WDTC1: variants seen among roughly 807,000 people sequenced by gnomAD.
WDTC1 encodes WD and tetratricopeptide repeats 1.
WDTC1 carries 12 observed loss-of-function variants against 76.0 expected under a neutral mutation model. The observed-to-expected ratio is 0.16, with a 90% CI of 0.10 to 0.26. WDTC1 has a LOEUF of 0.26. Ranked by LOEUF, WDTC1 falls within the 10% of genes least tolerant of loss-of-function variation. The probability of loss-of-function intolerance (pLI) is 1.00; values close to 1 mark genes in which losing one functional copy is unlikely to be tolerated. For synonymous variants in WDTC1, 326 were observed against 350.8 expected (o/e 0.93, Z 0.79); for missense variants, 511 against 908.8 (o/e 0.56, Z 5.63).
chr1:27,292,757 C>CTTTTTTTTTTTTTTTTTTTTTTTTATT (rs1304057627), intron 7 of WDTC1, among the ~76,000 whole-genome samples: 1 of 113,462 alleles, frequency 8.8e-6, no homozygotes. Flanking sequence ...TATTGTTTTA[C>CTTTTTTTTTTTTTTTTTTTTTTTTATT]TTTTTTTTTT....
chr1:27,303,569 G>T lies in WDTC1; in HGVS notation c.1469-52G>T. 6.5e-7 allele frequency: 1 copy of T among 1,528,400 alleles called. No individual in the cohort carries two copies. The highest frequency in any genetic ancestry group is 1.3e-5 in the South Asian group (1 of 77,176). The allele number at this position is 1,528,400 out of a possible 1,614,324, so 94.7% of individuals were successfully genotyped here. A position where few individuals can be genotyped will look rare whatever the true frequency, so the allele number is the denominator to read the frequency against. ...CAGAGCCATAGGTGGGGGAAAATAG[G>T]GAAGGAGAGAAAGGAACAAGGCGCT... On this transcript the variant is annotated intron_variant, in intron 13 of 15. Transcript: ENST00000319394. This position sits in a 1 kb window ranked among gnomAD's most constrained non-coding sequence, Gnocchi z 4.8.
chr1:27,253,675 G>A (rs1557481770), intron 1 of WDTC1, among the ~76,000 whole-genome samples: 1 of 151,944 alleles, frequency 6.6e-6, no homozygotes, highest in Admixed American at 6.6e-5. Flanking sequence ...GTTTATCACA[G>A]TGCCTGGCAA....
intron 1 of WDTC1, among the ~76,000 whole-genome samples, chr1:27,236,743 A>G (rs1019129289): frequency 1.3e-5 from 2 of 152,194 alleles, no homozygotes; most frequent in Non-Finnish European, 2.9e-5. Flanking sequence ...CCCACTGCCA[A>G]ACATTTGTGG....
rs1172072913 is a variant in WDTC1 at position 27,305,060 on chromosome 1, A to G, written c.1703A>G (p.Glu568Gly). The change falls in exon 15 of 16, where the codon GAG becomes GGG. Residue 568 changes from glutamate (E) to glycine (G), a missense_variant. Coordinates refer to ENST00000319394, the MANE Select transcript of WDTC1 (RefSeq NM_001276252.2). The surrounding 1 kb of genome is among the most constrained non-coding windows in gnomAD (Gnocchi z 4.6). ...GGCTCCTTCTTCATCTGGGAAAAGG[A>G]GACCACCAACCTGGTCCGTGTGCTC... ...DDGSFFIWEK[E>G]TTNLVRVLQG... 2 of 1,613,906 alleles carry G rather than the reference A, an allele frequency of 1.2e-6. No individual in the cohort carries two copies. The highest frequency in any genetic ancestry group is 1.7e-6 in the Non-Finnish European group (2 of 1,179,976).
chr1:27,291,511 C>T (rs115118285), intron 6 of WDTC1, among the ~76,000 whole-genome samples: 2,330 of 152,258 alleles, frequency 0.015, 24 homozygotes, highest in Middle Eastern at 0.034. Flanking sequence ...GGTGATGTCC[C>T]CCCTACCCAC....
chr1:27,302,800 A>G (rs1570989976), intron 13 of WDTC1, among the ~76,000 whole-genome samples: 1 of 152,306 alleles, frequency 6.6e-6, no homozygotes, highest in African/African-American at 2.4e-5. Flanking sequence ...CATATGAACC[A>G]GCATGCTCCA....
chr1:27,292,329 C>A lies in WDTC1; in HGVS notation c.594C>A (p.Asn198Lys). The A allele has an allele frequency of 6.2e-7, 1 of 1,613,258 alleles. No homozygotes were observed. Among genetic ancestry groups the A allele is most frequent in the Non-Finnish European group, 8.5e-7 (1 of 1,179,622 alleles). Residue 198 changes from asparagine (N) to lysine (K), a missense_variant, in exon 7 of 16, where the codon AAC becomes AAA. Physicochemically the swap from Asn to Lys is moderately conservative, Grantham distance 94 (BLOSUM62 0). Transcript: ENST00000319394. ...KCLTVNPQDN[N>K]CLAVGASGPF... ...TCACTGTCAACCCCCAGGACAACAA[C>A]TGCCTGGCAGTTGGGGCCAGCGGGC...
intron 1 of WDTC1, among the ~76,000 whole-genome samples, chr1:27,247,674 A>G (rs1008937010): frequency 9.3e-5 from 14 of 149,884 alleles, no homozygotes; most frequent in African/African-American, 2.9e-4. Context: ...TTATGGCTGC[A>G]TGGTCATTCC....
chr1:27,283,272 A>G, intron 4 of WDTC1, 66 bp from the exon 5 acceptor site: 1 of 1,431,156 alleles, frequency 7.0e-7, no homozygotes, highest in Non-Finnish European at 9.8e-7. Context: ...TAAACTGAGA[A>G]CATGGGATGG....
intron 1 of WDTC1, among the ~76,000 whole-genome samples, chr1:27,245,784 G>C (rs1485950572): frequency 6.6e-6 from 1 of 151,428 alleles, no homozygotes; most frequent in Non-Finnish European, 1.5e-5. Context: ...TGGCCAGGCT[G>C]GTCTCGAACT....
chr1:27,283,293 C>G, intron 4 of WDTC1, 45 bp from the exon 5 acceptor site: 1 of 1,559,460 alleles, frequency 6.4e-7, no homozygotes, highest in Non-Finnish European at 8.8e-7. Context: ...GGAAAGGGAG[C>G]CTAGGAATTT....
Position 27,263,195 on chromosome 1 carries a change from A to G in WDTC1, c.92A>G (p.Asp31Gly). 2 of 1,613,294 alleles carry G rather than the reference A, an allele frequency of 1.2e-6. No individual in the cohort carries two copies. The highest frequency in any genetic ancestry group is 1.7e-6 in the Non-Finnish European group (2 of 1,179,726). The change falls in exon 3 of 16, where the codon GAC (aspartate) becomes GGC (glycine). Residue 31 changes from aspartate (D) to glycine (G), a missense_variant. Transcript: ENST00000319394. The part of the protein sequence containing the change: ...LSFERRYHVT[D>G]PFIRRLGLEA... ...TTTGAGCGGCGCTACCATGTCACTG[A>G]CCCCTTTATCCGGCGGCTGGGCCTG...
chr1:27,297,803 G>A (rs933284944), intron 11 of WDTC1, 135 bp from the exon 12 acceptor site: 48 of 856,984 alleles, frequency 5.6e-5, no homozygotes, highest in Non-Finnish European at 7.6e-5. Flanking sequence ...CAGGGTAGTG[G>A]TCCCCTCTTC....
Position 27,306,399 on chromosome 1 carries a change from T to A in WDTC1, c.*16T>A. The stretch of plus-strand genomic sequence containing the variant: ...GCCCAGCTAGACCCTCCAGCCCTGG[T>A]CCCCAGCCCCTGCTACTGGCTGGAC... On this transcript the variant is annotated 3_prime_UTR_variant, in exon 16 of 16. Transcript: ENST00000319394. The surrounding 1 kb of genome is among the most constrained non-coding windows in gnomAD (Gnocchi z 5.0). The A allele has an allele frequency of 6.2e-7, 1 of 1,606,634 alleles. No homozygotes were observed. The highest frequency in any genetic ancestry group is 8.5e-7 in the Non-Finnish European group (1 of 1,178,084).
At chr1:27,240,243 G>T (rs2011588999) in intron 1 of WDTC1, among the ~76,000 whole-genome samples, 1 of 152,102 alleles carries the variant, frequency 6.6e-6, no homozygotes, top group African/African-American at 2.4e-5. Context: ...TGGAAGGAAG[G>T]TATTACCATT....
intron 3 of WDTC1, among the ~76,000 whole-genome samples, chr1:27,263,882 CGTATACATAT>C (rs1279666228): frequency 6.6e-6 from 1 of 151,868 alleles, no homozygotes; most frequent in Non-Finnish European, 1.5e-5. Flanking sequence ...TATACATATA[CGTATACATAT>C]ACATATACAT....
In WDTC1 at chr1:27,297,090, G is replaced by A; in HGVS notation, c.992G>A (p.Gly331Asp). 6.2e-7 allele frequency: 1 copy of A among 1,614,114 alleles called. No individual in the cohort carries two copies. Among genetic ancestry groups the A allele is most frequent in the Non-Finnish European group, 8.5e-7 (1 of 1,179,992 alleles). The change falls in exon 11 of 16, where the codon GGT (glycine) becomes GAT (aspartate). Residue 331 changes from glycine (G) to aspartate (D), a missense_variant. Coordinates refer to ENST00000319394, the MANE Select transcript of WDTC1 (RefSeq NM_001276252.2). ...GKMSTNGVSN[G>D]VSNGLHLHSN... ...ATGTCCACCAACGGTGTGTCCAACG[G>A]TGTGTCCAATGGCCTGCACCTTCAT...
At chr1:27,258,393 G>T (rs2147927507) in intron 1 of WDTC1, among the ~76,000 whole-genome samples, 1 of 151,846 alleles carries the variant, frequency 6.6e-6, no homozygotes, top group Middle Eastern at 3.4e-3. Flanking sequence ...ACTAGCTGGC[G>T]TGGTGGCAGG....
At position 27,257,934 on chromosome 1, in the gene WDTC1, G is replaced by A. The variant is rs2012336574; in HGVS notation, c.-99-3022G>A. Among the ~76,000 whole-genome samples the A allele has an allele frequency of 2.0e-5, 3 of 152,082 alleles. No individual in the cohort carries two copies. In the South Asian group the frequency reaches 6.2e-4, roughly 31 times the overall value. On this transcript the variant is annotated intron_variant, in intron 1 of 15. Transcript: ENST00000319394. ...GCCTCCTGAGTAGCTGGGACTACAG[G>A]CGTGTGCCACCACACCTGGCTAATT...
Sources: allele counts gnomAD v4.1 joint callset (sites outside exome capture counted in the v4.1 genomes callset), GRCh38; gene constraint gnomAD v4.1.1; non-coding constraint Gnocchi (gnomAD v3.1); transcripts MANE v1.5; gene names NCBI Gene and HGNC (gene_info 2026-07-23, HGNC 2026-07-21).